The following CARMIL1 variants were observed in gnomAD, a reference collection of about 807,000 sequenced individuals.
CARMIL1 encodes F-actin-uncapping protein LRRC16A.
Under a neutral mutation model 177.1 loss-of-function variants are expected in CARMIL1, and 90 were observed. The observed-to-expected ratio is 0.51, with a 90% CI of 0.43 to 0.61. The LOEUF (loss-of-function observed/expected upper bound fraction) is 0.61, where lower values mean the gene tolerates loss of function less well. CARMIL1 is among the 20% of genes least tolerant of loss of function. The pLI is 0.00. For synonymous variants in CARMIL1, 577 were observed against 606.2 expected, an observed-to-expected ratio of 0.95 and a Z score of 0.71; for missense variants, 1,380 against 1,667.0, an observed-to-expected ratio of 0.83 and a Z score of 3.00.
Position 25,326,850 on chromosome 6 carries a change from C to T in CARMIL1, c.138+41941C>T, listed in dbSNP as rs868593296. Among the ~76,000 whole-genome samples, 1 of 151,866 alleles carries T rather than the reference C, an allele frequency of 6.6e-6. No individual in the cohort carries two copies. The highest frequency in any genetic ancestry group is 2.4e-5 in the African/African-American group (1 of 41,318). On this transcript the variant is annotated intron_variant, in intron 2 of 36. Transcript: ENST00000329474. The surrounding 1 kb of genome is among the most constrained non-coding windows in gnomAD (Gnocchi z 4.2). Reference sequence around the variant, plus strand: ...ATTATTAATGTTTCAAGACGGAATCCCACTGTCACCCAGGCTGGAGTGCAG... The same window carrying T: ...ATTATTAATGTTTCAAGACGGAATCTCACTGTCACCCAGGCTGGAGTGCAG...
At position 25,281,136 on chromosome 6, in the gene CARMIL1, G is replaced by GCACACACACA. The variant is rs1554148590; in HGVS notation, c.40+1325_40+1334dup. On this transcript the variant is annotated intron_variant, in intron 1 of 36. Coordinates refer to ENST00000329474, the MANE Select transcript of CARMIL1 (RefSeq NM_017640.6). ...CAGACGCACGCGCGTGTGCGCGCGCGCACACACACACACACACACACACAC... is the reference window on the plus strand; with the variant it reads ...CAGACGCACGCGCGTGTGCGCGCGCGCACACACACACACACACACACACACACACACACAC... Among the ~76,000 whole-genome samples, 114 of 132,178 alleles carry GCACACACACA rather than the reference G, an allele frequency of 8.6e-4. 1 individual carries two copies. Among genetic ancestry groups the GCACACACACA allele is most frequent in the Middle Eastern group, 3.8e-3 (1 of 262 alleles). 86.7% of individuals were successfully genotyped at this position (132,178 alleles called of 152,430 possible). A position where few individuals can be genotyped will look rare whatever the true frequency, so the allele number is the denominator to read the frequency against.
intron 2 of CARMIL1, among the ~76,000 whole-genome samples, chr6:25,371,269 C>G (rs772452595): frequency 2.6e-5 from 4 of 152,004 alleles, no homozygotes; most frequent in Non-Finnish European, 5.9e-5. Context: ...TAGTAGTTGC[C>G]CAGTAGTGAG....
intron 5 of CARMIL1, among the ~76,000 whole-genome samples, chr6:25,439,973 G>A (rs1797587866): frequency 6.6e-6 from 1 of 152,112 alleles, no homozygotes; most frequent in Non-Finnish European, 1.5e-5. Flanking sequence ...GAGAGGCAAA[G>A]TACAAAACAT....
chr6:25,492,629 C>T (rs529597261), intron 15 of CARMIL1, among the ~76,000 whole-genome samples: 10 of 152,230 alleles, frequency 6.6e-5, no homozygotes, highest in African/African-American at 2.4e-4. Flanking sequence ...AGAATTAATA[C>T]AGTTCAACAC....
rs543835379 is a variant in CARMIL1 at position 25,398,279 on chromosome 6, C to T, written c.139-21835C>T. On this transcript the variant is annotated intron_variant, in intron 2 of 36. Transcript: ENST00000329474. ...TAGGGATAATTCATTTGTTTGTATT[C>T]AGAATTCACAACTATGATAAGCCTT... 2.4e-4 allele frequency among the ~76,000 whole-genome samples: 37 copies of T among 152,168 alleles called. 1 individual carries two copies. Among genetic ancestry groups the T allele is most frequent in the Admixed American group, 7.2e-4 (11 of 15,280 alleles).
chr6:25,305,822 G>A (rs969032523), intron 2 of CARMIL1, among the ~76,000 whole-genome samples: 1 of 152,206 alleles, frequency 6.6e-6, no homozygotes, highest in Non-Finnish European at 1.5e-5. Flanking sequence ...GGGCTGCCTG[G>A]TGGGGAAAGT....
intron 8 of CARMIL1, among the ~76,000 whole-genome samples, chr6:25,459,267 T>TC (rs1799884909): frequency 1.0e-4 from 11 of 109,466 alleles, no homozygotes; most frequent in African/African-American, 3.8e-4. Flanking sequence ...TCTTTCTTTC[T>TC]TTTTTTTTTT....
chr6:25,618,310 A>G (rs1257751619), intron 36 of CARMIL1, among the ~76,000 whole-genome samples: 2 of 152,068 alleles, frequency 1.3e-5, no homozygotes, highest in South Asian at 2.1e-4. Flanking sequence ...AGAAGCATCA[A>G]ATGAATCCTA....
chr6:25,331,783 T>G (rs1482394669), intron 2 of CARMIL1, among the ~76,000 whole-genome samples: 1 of 152,232 alleles, frequency 6.6e-6, no homozygotes, highest in Non-Finnish European at 1.5e-5. Context: ...TTTTACAAAT[T>G]GATATGAGAA....
intron 2 of CARMIL1, among the ~76,000 whole-genome samples, chr6:25,289,798 T>C (rs1228143812): frequency 3.3e-5 from 5 of 152,250 alleles, no homozygotes; most frequent in Non-Finnish European, 7.3e-5. Context: ...GGTATGGATG[T>C]ACCACGTTTG....
At chr6:25,527,138 C>T (rs181398203) in intron 23 of CARMIL1, among the ~76,000 whole-genome samples, 111 of 152,280 alleles carry the variant, frequency 7.3e-4, no homozygotes, top group Non-Finnish European at 1.2e-3. Flanking sequence ...TCTCAGCTGT[C>T]CAGGGGAGCC....
chr6:25,311,556 CATTAG>C (rs1783822381), intron 2 of CARMIL1, among the ~76,000 whole-genome samples: 1 of 152,118 alleles, frequency 6.6e-6, no homozygotes, highest in African/African-American at 2.4e-5. Flanking sequence ...AAAAAAAGAG[CATTAG>C]ATGGAGATCT....
chr6:25,558,801 C>G lies in CARMIL1; in HGVS notation c.2742+1951C>G, dbSNP rs1246562580. 6.6e-6 allele frequency among the ~76,000 whole-genome samples: 1 copy of G among 151,940 alleles called. No individual in the cohort carries two copies. The highest frequency in any genetic ancestry group is 1.9e-4 in the East Asian group (1 of 5,190). ...TTGAGTCCTAGGGTGAGGAGCAGGG[C>G]CCTGGGTGTTGAGGGAGTGACAGAG... On this transcript the variant is annotated intron_variant, in intron 29 of 36. Coordinates refer to ENST00000329474, the MANE Select transcript of CARMIL1 (RefSeq NM_017640.6). The surrounding 1 kb of genome is among the most constrained non-coding windows in gnomAD (Gnocchi z 4.1).
chr6:25,475,213 G>C (rs531393190), intron 11 of CARMIL1, among the ~76,000 whole-genome samples: 2 of 151,936 alleles, frequency 1.3e-5, no homozygotes, highest in East Asian at 1.9e-4. Context: ...AGACCATCCT[G>C]GCTAACACTG....
chr6:25,463,366 T>G (rs1348698169), intron 8 of CARMIL1, among the ~76,000 whole-genome samples: 1 of 152,222 alleles, frequency 6.6e-6, no homozygotes, highest in Non-Finnish European at 1.5e-5. Flanking sequence ...AAATTTAATA[T>G]TGAACCATAA....
intron 29 of CARMIL1, among the ~76,000 whole-genome samples, chr6:25,564,258 C>T (rs966060231): frequency 4.6e-5 from 7 of 152,200 alleles, no homozygotes; most frequent in African/African-American, 1.4e-4. Context: ...TATTATTTCT[C>T]CACTGCACTG....
At chr6:25,304,502 G>A (rs1446070661) in intron 2 of CARMIL1, among the ~76,000 whole-genome samples, 2 of 152,192 alleles carry the variant, frequency 1.3e-5, no homozygotes, top group Non-Finnish European at 2.9e-5. Context: ...ATTCTCATAA[G>A]GAGTGTGCAG....
At chr6:25,523,781 C>T (rs1419120303) in intron 23 of CARMIL1, among the ~76,000 whole-genome samples, 2 of 152,156 alleles carry the variant, frequency 1.3e-5, no homozygotes, top group African/African-American at 2.4e-5. Flanking sequence ...AAGAGAGGTA[C>T]AGAGAATCAC....
intron 2 of CARMIL1, among the ~76,000 whole-genome samples, chr6:25,327,388 A>C (rs1785227384): frequency 6.6e-6 from 1 of 152,212 alleles, no homozygotes; most frequent in South Asian, 2.1e-4. Flanking sequence ...TAGCATAGAG[A>C]TCACTAGGCA....
Sources: allele counts gnomAD v4.1 joint callset (sites outside exome capture counted in the v4.1 genomes callset), GRCh38; gene constraint gnomAD v4.1.1; non-coding constraint Gnocchi (gnomAD v3.1); transcripts MANE v1.5; gene names NCBI Gene and HGNC (gene_info 2026-07-23, HGNC 2026-07-21).